The following MYO1A variants were observed in gnomAD, a reference collection of about 807,000 sequenced individuals.
MYO1A encodes unconventional myosin-Ia.
A neutral mutation model predicts 138.5 loss-of-function variants in MYO1A; 127 were observed. That is an observed-to-expected ratio of 0.92 (90% CI 0.79 to 1.06). The LOEUF (loss-of-function observed/expected upper bound fraction) is 1.06. Ranked by LOEUF, MYO1A falls within the 50% of genes least tolerant of loss-of-function variation. The probability of loss-of-function intolerance (pLI) is 0.00; values close to 1 mark genes in which losing one functional copy is unlikely to be tolerated. For missense variants in MYO1A, 1,211 were observed against 1,288.8 expected (o/e 0.94, Z 0.92); for synonymous variants, 477 against 497.5 (o/e 0.96, Z 0.55).
chr12:57,030,227 C>T lies in MYO1A; in HGVS notation c.2574G>A (p.Lys858=). ...GCCCTCACCTCTGGGGATATGAAGC[C>T]TTCTTGCCCTTGAACAGTTCACTGG... ...LCASELFKGK[K]ASYPQSVPIP... Residue 858 remains lysine (K), a synonymous_variant, in exon 24 of 28, where the codon AAG becomes AAA. Coordinates refer to ENST00000300119, the MANE Select transcript of MYO1A (RefSeq NM_005379.4). The T allele has an allele frequency of 6.2e-7, 1 of 1,614,170 alleles. No homozygotes were observed. The highest frequency in any genetic ancestry group is 8.5e-7 in the Non-Finnish European group (1 of 1,180,000).
Position 57,031,099 on chromosome 12 carries a change from G to A in MYO1A, c.2425C>T (p.Pro809Ser), listed in dbSNP as rs1324307917. 9.3e-6 allele frequency: 15 copies of A among 1,614,128 alleles called. No homozygotes were observed. Among genetic ancestry groups the A allele is most frequent in the African/African-American group, 1.3e-5 (1 of 75,000 alleles). Reference protein sequence around the residue: ...NVLDKTWPAAPYKCLSTANQE... With the variant: ...NVLDKTWPAASYKCLSTANQE... ...TTTGCTGTGCTGAGGCACTTGTAGG[G>A]GGCGGCTGGCCATGTCTTGTCTAAG... The change falls in exon 23 of 28, where the codon CCC becomes TCC. Residue 809 changes from proline (P) to serine (S), a missense_variant. Physicochemically the swap from Pro to Ser is moderately conservative, Grantham distance 74. Coordinates refer to ENST00000300119, the MANE Select transcript of MYO1A (RefSeq NM_005379.4).
Position 57,038,513 on chromosome 12 carries a change from C to T in MYO1A, c.1659G>A (p.Lys553=), listed in dbSNP as rs1366328161. 1 of 1,614,188 alleles carries T rather than the reference C, an allele frequency of 6.2e-7. No individual in the cohort carries two copies. Among genetic ancestry groups the T allele is most frequent in the Non-Finnish European group, 8.5e-7 (1 of 1,180,040 alleles). Residue 553 remains lysine (K), a synonymous_variant, in exon 17 of 28, where the codon AAG becomes AAA. Transcript: ENST00000300119. ...LRSLFPEGNP[K]QASLKRPPTA... is the part of the protein sequence containing the mutation. ...TCGGGGGGCGTTTGAGAGATGCCTG[C>T]TTAGGATTGCCCTCAGGAAACAAGG...
chr12:57,037,160 C>T, intron 19 of MYO1A, 69 bp from the exon 20 acceptor site: 1 of 1,586,682 alleles, frequency 6.3e-7, no homozygotes. Flanking sequence ...CTCCTATACC[C>T]CACAGTACTG....
At position 57,031,067 on chromosome 12, in the gene MYO1A, C is replaced by T; in HGVS notation, c.2457G>A (p.Glu819=). ...PYKCLSTANQ[E]LQQLFYQWKC... ...TCCACTGGTAGAAGAGCTGCTGCAG[C>T]TCCTGATTTGCTGTGCTGAGGCACT... The change falls in exon 23 of 28, where the codon GAG becomes GAA. Residue 819 remains glutamate, a synonymous_variant. Coordinates refer to ENST00000300119, the MANE Select transcript of MYO1A (RefSeq NM_005379.4). 1 of 1,614,080 alleles carries T rather than the reference C, an allele frequency of 6.2e-7. No individual in the cohort carries two copies.
Position 57,047,740 on chromosome 12 carries a change from G to T in MYO1A, c.231-19C>A, listed in dbSNP as rs754863301. The T allele has an allele frequency of 4.3e-6, 7 of 1,613,930 alleles. 1 individual carries two copies. The South Asian group carries it at 7.7e-5, about 18-fold the overall frequency. ...TGCGTAGCTTGTGGGGAGGAAGTGG[G>T]CAATGACTATTGTGAAACCAGTTCA... On this transcript the variant is annotated intron_variant, in intron 3 of 27. Transcript: ENST00000300119.
At chr12:57,035,620 C>A (rs1261125005) in intron 22 of MYO1A, among the ~76,000 whole-genome samples, 1 of 152,208 alleles carries the variant, frequency 6.6e-6, no homozygotes, top group Non-Finnish European at 1.5e-5. Flanking sequence ...CCCAAGGTTT[C>A]ATTGGAAGTG....
chr12:57,048,289 TC>T lies in MYO1A; in HGVS notation c.34del (p.Asp12IlefsTer34). The part of the protein sequence containing the change: ...PLLEGSVGVE[D>X]LVLLEPLVEE... ...CACCAAGGGTTCCAGGAGGACAAGA[TC>T]CTCCACCCCCACAGAACCTTCCAGG... is the stretch of plus-strand genomic sequence containing the variant. On this transcript the variant is annotated frameshift_variant, in exon 2 of 28. Coordinates refer to ENST00000300119, the MANE Select transcript of MYO1A (RefSeq NM_005379.4). LOFTEE classifies it high-confidence loss of function. 6.2e-7 allele frequency: 1 copy of T among 1,614,020 alleles called. No individual in the cohort carries two copies. Among genetic ancestry groups the T allele is most frequent in the South Asian group, 1.1e-5 (1 of 91,080 alleles).
chr12:57,046,815 A>T, intron 7 of MYO1A, 48 bp downstream of exon 7: 1 of 1,594,460 alleles, frequency 6.3e-7, no homozygotes. Flanking sequence ...AGAAAGGGCC[A>T]TGGGAGGCAG....
intron 26 of MYO1A, 43 bp downstream of exon 26, chr12:57,029,392 C>A: frequency 6.2e-7 from 1 of 1,613,920 alleles, no homozygotes; most frequent in East Asian, 2.2e-5. Flanking sequence ...GGGATGCATA[C>A]CACCTTCTCC....
rs372646326 is a variant in MYO1A at position 57,039,273 on chromosome 12, C to T, written c.1271G>A (p.Gly424Asp). Residue 424 changes from glycine to aspartate, a missense_variant and splice_region_variant, in exon 15 of 28, where the codon GGC becomes GAC. By Grantham distance (94) the Gly-to-Asp change is moderately conservative. Coordinates refer to ENST00000300119, the MANE Select transcript of MYO1A (RefSeq NM_005379.4). ...KEEQEEYKREGIPWTKVDYFD... is the reference protein window; with the variant it reads ...KEEQEEYKREDIPWTKVDYFD... Reference sequence around the variant, plus strand: ...GTAGTCCACCTTTGTCCACGGTATGCCCTGGTCAGGGGAGACAACAAATTA... The same window carrying T: ...GTAGTCCACCTTTGTCCACGGTATGTCCTGGTCAGGGGAGACAACAAATTA... 3 of 1,613,632 alleles carry T rather than the reference C, an allele frequency of 1.9e-6. No homozygotes were observed. The highest frequency in any genetic ancestry group is 2.7e-5 in the African/African-American group (2 of 75,034).
intron 22 of MYO1A, 55 bp downstream of exon 22, chr12:57,036,251 CA>C: frequency 1.3e-6 from 2 of 1,570,580 alleles, no homozygotes; most frequent in Non-Finnish European, 8.8e-7. Flanking sequence ...ACCCCTCTCC[CA>C]AACCTGTGCC....
intron 22 of MYO1A, among the ~76,000 whole-genome samples, chr12:57,034,427 C>G (rs141353223): frequency 0.013 from 1,988 of 152,230 alleles, 52 homozygotes; most frequent in African/African-American, 0.046. Context: ...AATCCTAGCA[C>G]TTTGGGAGGC....
Position 57,041,227 on chromosome 12 carries a change from A to G in MYO1A, c.1226T>C (p.Ile409Thr), listed in dbSNP as rs1364450965. 6.2e-6 allele frequency: 10 copies of G among 1,613,814 alleles called. No individual in the cohort carries two copies. The highest frequency in any genetic ancestry group is 4.5e-5 in the East Asian group (2 of 44,898). Residue 409 changes from isoleucine (I) to threonine (T), a missense_variant, in exon 14 of 28, where the codon ATA (isoleucine) becomes ACA (threonine). Coordinates refer to ENST00000300119, the MANE Select transcript of MYO1A (RefSeq NM_005379.4). ...TTGCTCTTCTTTCAGGGTCATCTCT[A>G]TGAACACCTGCTGCAGCTTCTCATT... ...YCNEKLQQVF[I>T]EMTLKEEQEE...
Position 57,046,904 on chromosome 12 carries a change from A to T in MYO1A, c.500T>A (p.Phe167Tyr), listed in dbSNP as rs1216193053. The change falls in exon 7 of 28, where the codon TTT becomes TAT. Residue 167 changes from phenylalanine to tyrosine, a missense_variant. Transcript: ENST00000300119. Reference sequence around the variant, plus strand: ...ACCGAGGGGGGATCCCTTGAAGTCAAATTCAATATCCATGTATTTTCCCTT... The same window carrying T: ...ACCGAGGGGGGATCCCTTGAAGTCATATTCAATATCCATGTATTTTCCCTT... ...SRFGKYMDIE[F>Y]DFKGSPLGGV... 5 of 1,613,968 alleles carry T rather than the reference A, an allele frequency of 3.1e-6. No homozygotes were observed. The African/African-American group carries it at 6.7e-5, about 22-fold the overall frequency.
intron 22 of MYO1A, among the ~76,000 whole-genome samples, chr12:57,032,139 G>T (rs1344600146): frequency 6.6e-6 from 1 of 152,166 alleles, no homozygotes; most frequent in Non-Finnish European, 1.5e-5. Flanking sequence ...GCCCCGGATT[G>T]CCTCTCCTTT....
rs149228103 is a variant in MYO1A, at chr12:57,048,220, T to C, written c.104A>G (p.Lys35Arg). Residue 35 changes from lysine (K) to arginine (R), a missense_variant, in exon 2 of 28, where the codon AAG (lysine) becomes AGG (arginine). By Grantham distance (26) the Lys-to-Arg change is conservative. Transcript: ENST00000300119. ...LKNLQLRYEN[K>R]EIYTYIGNVV... Reference sequence around the variant, plus strand: ...CCATATGACACTCACATAAATCTCCTTGTTTTCATAGCGAAGCTGAAGATT... The same window carrying C: ...CCATATGACACTCACATAAATCTCCCTGTTTTCATAGCGAAGCTGAAGATT... 34 of 1,613,732 alleles carry C rather than the reference T, an allele frequency of 2.1e-5. No individual in the cohort carries two copies. The highest frequency in any genetic ancestry group is 2.4e-5 in the Non-Finnish European group (28 of 1,179,764).
chr12:57,033,002 C>T (rs1023859569), intron 22 of MYO1A, among the ~76,000 whole-genome samples: 2 of 152,188 alleles, frequency 1.3e-5, no homozygotes, highest in African/African-American at 4.8e-5. Context: ...GACACACACA[C>T]ATATGTGTGC....
chr12:57,048,441 C>T, intron 1 of MYO1A, 98 bp from the exon 2 acceptor site: 1 of 776,262 alleles, frequency 1.3e-6, no homozygotes. Flanking sequence ...GAGCCTTCCT[C>T]TCTTCCTACC....
At position 57,029,448 on chromosome 12, in the gene MYO1A, A is replaced by T. The variant is rs1388776160; in HGVS notation, c.2864T>A (p.Leu955Ter). ...VTSLKDGLFS[L>*]HLSEMSSVGS... ...CAGCTCTGATACCTCACTCAGATGC[A>T]AGCTAAAGAGCCCATCCTTGAGGCT... is the stretch of plus-strand genomic sequence containing the variant. The change falls in exon 26 of 28, where the codon TTG (leucine) becomes TAG (stop). Residue 955 changes from leucine (L) to a stop codon, truncating the protein, a stop_gained. Transcript: ENST00000300119. LOFTEE classifies it high-confidence loss of function. The T allele has an allele frequency of 6.2e-7, 1 of 1,614,158 alleles. No individual in the cohort carries two copies. The highest frequency in any genetic ancestry group is 1.7e-5 in the Admixed American group (1 of 60,030).
Sources: gnomAD v4.1 joint callset for allele counts (sites outside exome capture counted in the v4.1 genomes callset) on GRCh38, gnomAD v4.1.1 for gene constraint, MANE v1.5 for transcripts, NCBI Gene and HGNC (gene_info 2026-07-23, HGNC 2026-07-21) for gene names.